The following PPP2R5E variants were observed in gnomAD, a reference collection of about 807,000 sequenced individuals.
PPP2R5E encodes protein phosphatase 2 regulatory subunit B'epsilon, also known as serine/threonine-protein phosphatase 2A 56 kDa regulatory subunit epsilon isoform.
A neutral mutation model predicts 65.3 loss-of-function variants in PPP2R5E; 4 were observed. The ratio of observed to expected loss-of-function variants is 0.06; its 90% CI spans 0.03 to 0.14. The LOEUF is 0.14. Ranked by LOEUF, PPP2R5E falls within the 10% of genes least tolerant of loss-of-function variation. The pLI is 1.00. For synonymous variants in PPP2R5E, 183 were observed against 187.4 expected (o/e 0.98, Z 0.19); for missense variants, 274 against 556.1 (o/e 0.49, Z 5.10).
chr14:63,389,621 G>A lies in PPP2R5E; in HGVS notation c.1065C>T (p.Pro355=), dbSNP rs757210728. The A allele has an allele frequency of 2.5e-6, 4 of 1,605,782 alleles. No homozygotes were observed. Among genetic ancestry groups the A allele is most frequent in the East Asian group, 2.2e-5 (1 of 44,716 alleles). ...FKQIAKCVSS[P]HFQVAERALY... is the part of the protein sequence containing the mutation. ...CCTCTTTACTACTAACCTGAAAATG[G>A]GGGCTAGATACACACTTGGCGATTT... The change falls in exon 11 of 14, where the codon CCC becomes CCT. Residue 355 remains proline (P), a synonymous_variant. Transcript: ENST00000337537.
intron 2 of PPP2R5E, among the ~76,000 whole-genome samples, chr14:63,531,385 G>T (rs541619873): frequency 6.6e-6 from 1 of 151,518 alleles, no homozygotes; most frequent in African/African-American, 2.4e-5. Context: ...AACATGCGGT[G>T]TTTGGTTTTT....
intron 2 of PPP2R5E, among the ~76,000 whole-genome samples, chr14:63,479,101 C>T (rs888516934): frequency 8.5e-5 from 13 of 152,088 alleles, no homozygotes; most frequent in African/African-American, 2.7e-4. Flanking sequence ...TGCACTCCAA[C>T]ATGGGTGACA....
chr14:63,406,685 C>A (rs1886112007), intron 5 of PPP2R5E, among the ~76,000 whole-genome samples: 2 of 152,186 alleles, frequency 1.3e-5, no homozygotes, highest in Admixed American at 1.3e-4. Context: ...CCCTGGTTTT[C>A]ACACATTATA....
At chr14:63,424,251 T>C (rs1887206064) in intron 3 of PPP2R5E, among the ~76,000 whole-genome samples, 1 of 152,176 alleles carries the variant, frequency 6.6e-6, no homozygotes, top group Non-Finnish European at 1.5e-5. Context: ...AGTTTATTTC[T>C]TTACTTGCTT....
chr14:63,496,435 C>T (rs1333349515), intron 2 of PPP2R5E, among the ~76,000 whole-genome samples: 3 of 130,778 alleles, frequency 2.3e-5, no homozygotes, highest in African/African-American at 3.7e-5. Flanking sequence ...CAGAGTAAGA[C>T]TCTGTCTCAA....
chr14:63,526,140 G>A (rs61983981), intron 2 of PPP2R5E, among the ~76,000 whole-genome samples: 5,450 of 152,202 alleles, frequency 0.036, 114 homozygotes, highest in Middle Eastern at 0.075. Context: ...GATTACAGGA[G>A]TGAGCCACCA....
At chr14:63,505,758 C>T (rs1227480660) in intron 2 of PPP2R5E, among the ~76,000 whole-genome samples, 1 of 152,108 alleles carries the variant, frequency 6.6e-6, no homozygotes, top group Non-Finnish European at 1.5e-5. Flanking sequence ...ATTCAGTGAC[C>T]GTCACATACT....
At chr14:63,444,973 A>T (rs989201492) in intron 3 of PPP2R5E, among the ~76,000 whole-genome samples, 1 of 152,246 alleles carries the variant, frequency 6.6e-6, no homozygotes, top group Non-Finnish European at 1.5e-5. Context: ...AGAAAGGCAT[A>T]ATCCATTCAA....
At chr14:63,409,795 T>A (rs61995007) in intron 5 of PPP2R5E, among the ~76,000 whole-genome samples, 2,586 of 152,358 alleles carry the variant, frequency 0.017, 27 homozygotes, top group Middle Eastern at 0.061. Context: ...CCTGTTTTAC[T>A]TAACAGTATC....
intron 11 of PPP2R5E, among the ~76,000 whole-genome samples, chr14:63,386,679 T>G (rs1884688321): frequency 6.6e-6 from 1 of 152,064 alleles, no homozygotes; most frequent in African/African-American, 2.4e-5. Context: ...TCTCAGCACT[T>G]TGGGAGGCCA....
At chr14:63,510,393 A>G (rs545454384) in intron 2 of PPP2R5E, among the ~76,000 whole-genome samples, 2 of 152,266 alleles carry the variant, frequency 1.3e-5, no homozygotes, top group Non-Finnish European at 2.9e-5. Context: ...ACTCAAGGTC[A>G]CTGCCCTCAT....
intron 2 of PPP2R5E, among the ~76,000 whole-genome samples, chr14:63,522,894 G>A (rs532117200): frequency 6.9e-6 from 1 of 144,822 alleles, no homozygotes; most frequent in South Asian, 2.2e-4. Context: ...CAGCCGCCCC[G>A]TCCGGGAGGG....
intron 3 of PPP2R5E, among the ~76,000 whole-genome samples, chr14:63,422,383 G>A (rs879813340): frequency 6.6e-6 from 1 of 152,086 alleles, no homozygotes; most frequent in East Asian, 1.9e-4. Flanking sequence ...GCCTGCTCTT[G>A]GTTACTTACC....
At chr14:63,413,999 T>C (rs1232576357) in intron 5 of PPP2R5E, among the ~76,000 whole-genome samples, 1 of 152,180 alleles carries the variant, frequency 6.6e-6, no homozygotes, top group Admixed American at 6.6e-5. Flanking sequence ...AGCTCTGAGC[T>C]GACATCTGAA....
chr14:63,475,729 T>C (rs1890377817), intron 2 of PPP2R5E, among the ~76,000 whole-genome samples: 1 of 152,156 alleles, frequency 6.6e-6, no homozygotes, highest in Admixed American at 6.5e-5. Context: ...AGAAAAACAC[T>C]GCCTAGAAGT....
chr14:63,439,087 T>C (rs1888078719), intron 3 of PPP2R5E, among the ~76,000 whole-genome samples: 1 of 152,000 alleles, frequency 6.6e-6, no homozygotes, highest in South Asian at 2.1e-4. Flanking sequence ...AAAAAAAAGC[T>C]TTCAGGTTAG....
intron 4 of PPP2R5E, among the ~76,000 whole-genome samples, chr14:63,416,073 G>C (rs17824967): frequency 3.3e-5 from 5 of 152,176 alleles, no homozygotes; most frequent in African/African-American, 1.2e-4. Context: ...CTGATAAACA[G>C]TGGGGAATCA....
chr14:63,440,783 C>CAAAAAAAAAAAAAAA (rs763718989), intron 3 of PPP2R5E, among the ~76,000 whole-genome samples: 9 of 108,796 alleles, frequency 8.3e-5, no homozygotes, highest in African/African-American at 3.4e-4. Context: ...CTAAAAAATA[C>CAAAAAAAAAAAAAAA]AAAAAAAAAA....
chr14:63,475,355 C>T (rs1189276055), intron 2 of PPP2R5E, among the ~76,000 whole-genome samples: 1 of 152,196 alleles, frequency 6.6e-6, no homozygotes, highest in Non-Finnish European at 1.5e-5. Context: ...CCAGAACACA[C>T]GTACCACATG....
Sources: gnomAD v4.1 joint callset for allele counts (sites outside exome capture counted in the v4.1 genomes callset) on GRCh38, gnomAD v4.1.1 for gene constraint, MANE v1.5 for transcripts, NCBI Gene and HGNC (gene_info 2026-07-23, HGNC 2026-07-21) for gene names.